ST14: variants seen among roughly 807,000 people sequenced by gnomAD.
The protein encoded by ST14 is suppressor of tumorigenicity 14 protein.
A neutral mutation model predicts 96.5 loss-of-function variants in ST14; 40 were observed. That is an observed-to-expected ratio of 0.41 (90% confidence interval 0.32 to 0.54). ST14 has a LOEUF of 0.54. Ranked by LOEUF, ST14 falls within the 20% of genes least tolerant of loss-of-function variation. The probability of loss-of-function intolerance (pLI) is 0.17; values close to 1 mark genes in which losing one functional copy is unlikely to be tolerated. For missense variants in ST14, 1,066 were observed against 1,188.9 expected (o/e 0.90, Z 1.52); for synonymous variants, 506 against 492.1 (o/e 1.03, Z -0.37).
At chr11:130,198,092 A>G (rs595073) in intron 12 of ST14, 147 bp downstream of exon 12, 5 of 891,620 alleles carry the variant, frequency 5.6e-6, no homozygotes, top group Non-Finnish European at 8.8e-6. Context: ...CTCTGGCCCC[A>G]CTCCCCACCC....
intron 8 of ST14, 111 bp downstream of exon 8, chr11:130,194,399 G>A (rs1412454231): frequency 1.1e-5 from 17 of 1,489,556 alleles, no homozygotes; most frequent in Middle Eastern, 1.9e-4. Flanking sequence ...TGTGGTTGGC[G>A]AGCTGGCCTA....
In ST14 at chr11:130,209,557, C is replaced by CGGCG; in HGVS notation, c.2387_2390dup (p.Val798ArgfsTer8). On this transcript the variant is annotated frameshift_variant, in exon 18 of 19. Coordinates refer to ENST00000278742, the MANE Select transcript of ST14 (RefSeq NM_021978.4). LOFTEE classifies it high-confidence loss of function. ...GCATGATGTGCGTGGGCTTCCTCAG[C>CGGCG]GGCGGCGTGGACTCCTGCCAGGTGG... 6.4e-7 allele frequency: 1 copy of CGGCG among 1,574,138 alleles called. No homozygotes were observed. Among genetic ancestry groups the CGGCG allele is most frequent in the Non-Finnish European group, 8.6e-7 (1 of 1,160,064 alleles).
At position 130,209,971 on chromosome 11, in the gene ST14, G is replaced by A. The variant is rs890451754; in HGVS notation, c.*148G>A. On this transcript the variant is annotated 3_prime_UTR_variant, in exon 19 of 19. Coordinates refer to ENST00000278742, the MANE Select transcript of ST14 (RefSeq NM_021978.4). ...ACTCAATCTCCAGGGCTCCAAATCT[G>A]CCTAGAAAACCTCTCGCTTCCTCAG... The A allele has an allele frequency of 9.7e-7, 1 of 1,026,742 alleles. No individual in the cohort carries two copies. The highest frequency in any genetic ancestry group is 1.4e-6 in the Non-Finnish European group (1 of 718,274). 63.6% of individuals were successfully genotyped at this position (1,026,742 alleles called of 1,614,324 possible).
intron 1 of ST14, among the ~76,000 whole-genome samples, chr11:130,186,914 A>G (rs1440683763): frequency 6.6e-6 from 1 of 152,204 alleles, no homozygotes; most frequent in Non-Finnish European, 1.5e-5. Flanking sequence ...TCTGTGTGTG[A>G]TATTAGATCA....
At chr11:130,182,344 T>C (rs188187890) in intron 1 of ST14, among the ~76,000 whole-genome samples, 1 of 152,198 alleles carries the variant, frequency 6.6e-6, no homozygotes, top group African/African-American at 2.4e-5. Context: ...GAGATGAGGT[T>C]TTGCTGTCTC....
Position 130,198,543 on chromosome 11 carries a change from A to C in ST14, c.1606A>C (p.Lys536Gln). The change falls in exon 14 of 19, where the codon AAG becomes CAG. Residue 536 changes from lysine (K) to glutamine (Q), a missense_variant. By Grantham distance (53) the Lys-to-Gln change is moderately conservative. Transcript: ENST00000278742. Reference protein sequence around the residue: ...PAQTFRCSNGKCLSKSQQCNG... With the variant: ...PAQTFRCSNGQCLSKSQQCNG... The stretch of plus-strand genomic sequence containing the variant: ...CCAGACCTTCAGGTGTTCCAATGGG[A>C]AGTGCCTCTCGAAAAGCCAGCAGTG... 2.5e-6 allele frequency: 4 copies of C among 1,614,014 alleles called. No individual in the cohort carries two copies. Among genetic ancestry groups the C allele is most frequent in the Non-Finnish European group, 3.4e-6 (4 of 1,180,008 alleles).
chr11:130,194,515 G>GCAC, intron 8 of ST14, 125 bp from the exon 9 acceptor site: 1 of 1,175,638 alleles, frequency 8.5e-7, no homozygotes, highest in Non-Finnish European at 1.2e-6. Flanking sequence ...TCCTGGCTGT[G>GCAC]CACCTGCTGT....
At chr11:130,199,366 G>A (rs1953404422) in intron 15 of ST14, among the ~76,000 whole-genome samples, 1 of 152,188 alleles carries the variant, frequency 6.6e-6, no homozygotes, top group Non-Finnish European at 1.5e-5. Flanking sequence ...ACACAGCTGT[G>A]GAGCAGTAGC....
chr11:130,162,804 G>T (rs886454160), intron 1 of ST14, among the ~76,000 whole-genome samples: 1 of 152,160 alleles, frequency 6.6e-6, no homozygotes, highest in Non-Finnish European at 1.5e-5. Flanking sequence ...TGAGCACATG[G>T]CATCTCTCTA....
chr11:130,196,373 A>C lies in ST14; in HGVS notation c.1148A>C (p.Lys383Thr), dbSNP rs1591891597. 6.2e-7 allele frequency: 1 copy of C among 1,606,228 alleles called. No homozygotes were observed. The highest frequency in any genetic ancestry group is 8.5e-7 in the Non-Finnish European group (1 of 1,176,810). ...PNNQHVKVRF[K>T]FFYLLEPGVP... is the part of the protein sequence containing the mutation. ...AACCAGCATGTGAAGGTGCGCTTCA[A>C]ATTCTTCTACCTGCTGGAGCCCGGC... The change falls in exon 10 of 19, where the codon AAA (lysine) becomes ACA (threonine). Residue 383 changes from lysine (K) to threonine (T), a missense_variant. Physicochemically the swap from Lys to Thr is moderately conservative, Grantham distance 78. Coordinates refer to ENST00000278742, the MANE Select transcript of ST14 (RefSeq NM_021978.4).
At chr11:130,170,186 C>T (rs1953078038) in intron 1 of ST14, among the ~76,000 whole-genome samples, 1 of 152,094 alleles carries the variant, frequency 6.6e-6, no homozygotes, top group Non-Finnish European at 1.5e-5. Flanking sequence ...AGTGGGTGGC[C>T]AGGCCAGGTC....
chr11:130,160,086 C>T (rs1285352716), intron 1 of ST14, 26 bp downstream of exon 1: 1 of 1,396,744 alleles, frequency 7.2e-7, no homozygotes, highest in South Asian at 1.5e-5. Flanking sequence ...GGACCCGGGG[C>T]GCTGGGAAGC....
intron 11 of ST14, 122 bp from the exon 12 acceptor site, chr11:130,197,719 C>CCA: frequency 2.5e-6 from 2 of 812,912 alleles, no homozygotes; most frequent in South Asian, 3.4e-5. Context: ...CTGCCCTGGG[C>CCA]CACAGCACCT....
chr11:130,179,090 G>A (rs1953166885), intron 1 of ST14, among the ~76,000 whole-genome samples: 1 of 152,182 alleles, frequency 6.6e-6, no homozygotes, highest in African/African-American at 2.4e-5. Context: ...CCTGGTGACA[G>A]GAAGGGGTGA....
chr11:130,162,156 C>G (rs1487622908), intron 1 of ST14, among the ~76,000 whole-genome samples: 3 of 152,142 alleles, frequency 2.0e-5, no homozygotes, highest in African/African-American at 4.8e-5. Flanking sequence ...ATCCGTGCAC[C>G]CTTGTTTGGT....
At chr11:130,191,830 T>C (rs1444505174) in intron 7 of ST14, among the ~76,000 whole-genome samples, 1 of 152,220 alleles carries the variant, frequency 6.6e-6, no homozygotes, top group Admixed American at 6.5e-5. Flanking sequence ...AGTTCTCTGA[T>C]ACTTGGGCCT....
At chr11:130,198,219 G>A in intron 12 of ST14, 89 bp from the exon 13 acceptor site, 1 of 1,279,904 alleles carries the variant, frequency 7.8e-7, no homozygotes, top group Non-Finnish European at 1.1e-6. Flanking sequence ...TCAGAAAGCG[G>A]TCCCCAGGTA....
intron 16 of ST14, 38 bp from the exon 17 acceptor site, chr11:130,208,372 G>A (rs143332822): frequency 5.0e-6 from 8 of 1,613,454 alleles, no homozygotes; most frequent in Admixed American, 1.7e-5. Flanking sequence ...GCACAGACCC[G>A]AGTGACCGCG....
At chr11:130,200,772 G>T (rs535964818) in intron 16 of ST14, among the ~76,000 whole-genome samples, 1 of 152,228 alleles carries the variant, frequency 6.6e-6, no homozygotes, top group Non-Finnish European at 1.5e-5. Flanking sequence ...TAGGCAGCTT[G>T]ATTGTATCCT....
Sources: allele counts gnomAD v4.1 joint callset (sites outside exome capture counted in the v4.1 genomes callset), GRCh38; gene constraint gnomAD v4.1.1; transcripts MANE v1.5; gene names NCBI Gene and HGNC (gene_info 2026-07-23, HGNC 2026-07-21).